POF1B: variants seen among roughly 807,000 people sequenced by gnomAD.
The protein encoded by POF1B is POF1B actin binding protein.
A neutral mutation model predicts 55.3 loss-of-function variants in POF1B; 53 were observed. The observed-to-expected ratio is 0.96, with a 90% CI of 0.77 to 1.20. POF1B has a LOEUF of 1.20. Among genes scored for constraint, POF1B ranks in the 50% most tolerant of loss-of-function variants. POF1B has a pLI of 0.00. For synonymous variants in POF1B, 188 were observed against 148.3 expected, an observed-to-expected ratio of 1.27 and a Z score of -1.95; for missense variants, 478 against 420.5, an observed-to-expected ratio of 1.14 and a Z score of -1.20.
chrX:85,297,432 T>A (rs758350575), intron 15 of POF1B, among the ~76,000 whole-genome samples: 3 of 112,103 alleles, frequency 2.7e-5, no homozygotes, highest in Non-Finnish European at 5.6e-5. Context: ...GGTTTAACTG[T>A]TGTGCAAGTT....
intron 6 of POF1B, among the ~76,000 whole-genome samples, chrX:85,343,065 G>A (rs1933203492): frequency 9.2e-6 from 1 of 108,949 alleles, no homozygotes; most frequent in Non-Finnish European, 1.9e-5. Context: ...GGGAGGGATA[G>A]CATTGAGAGA....
At chrX:85,332,817 A>G (rs1234998726) in intron 6 of POF1B, among the ~76,000 whole-genome samples, 1 of 111,322 alleles carries the variant, frequency 9.0e-6, no homozygotes, top group African/African-American at 3.2e-5. Context: ...AATGTTAGTT[A>G]TCTTGTCCAT....
chrX:85,378,999 A>C (rs942202411), intron 2 of POF1B, among the ~76,000 whole-genome samples, 174 bp downstream of exon 2: 3 of 111,903 alleles, frequency 2.7e-5, no homozygotes, highest in African/African-American at 9.8e-5. Flanking sequence ...AACCACAGAC[A>C]CTAGTAAGTG....
rs1308886901 is a variant in POF1B at position 85,305,840 on chromosome X, A to C, written c.1388T>G (p.Met463Arg). Residue 463 changes from methionine to arginine, a missense_variant, in exon 13 of 17, where the codon ATG becomes AGG. By Grantham distance (91) the Met-to-Arg change is moderately conservative. Coordinates refer to ENST00000262753, the MANE Select transcript of POF1B (RefSeq NM_024921.4). ...TTTCTCCATTCTCAAGTTTTTTACC[A>C]TCTCCGTGTAGTGGTTGCCAATCTC... The part of the protein sequence containing the change: ...MDEIGNHYTE[M>R]VKNLRMEKDR... 8.3e-7 allele frequency: 1 copy of C among 1,209,517 alleles called. No individual in the cohort carries two copies. The highest frequency in any genetic ancestry group is 1.1e-6 in the Non-Finnish European group (1 of 894,082).
At chrX:85,317,254 A>G (rs959450908) in intron 7 of POF1B, among the ~76,000 whole-genome samples, 1 of 107,704 alleles carries the variant, frequency 9.3e-6, no homozygotes, top group Non-Finnish European at 2.0e-5. Context: ...CAGTTTGGCA[A>G]TTAGTCCAAG....
At chrX:85,361,735 A>G (rs1270623041) in intron 3 of POF1B, among the ~76,000 whole-genome samples, 3 of 111,284 alleles carry the variant, frequency 2.7e-5, no homozygotes, top group African/African-American at 9.8e-5. Flanking sequence ...GTTTTATTTC[A>G]AGTTCTGTGA....
At position 85,354,661 on chromosome X, in the gene POF1B, T is replaced by C. The variant is rs747958049; in HGVS notation, c.439-3210A>G. Among the ~76,000 whole-genome samples the C allele has an allele frequency of 1.5e-4, 17 of 110,362 alleles. No individual in the cohort carries two copies. In the East Asian group the frequency reaches 4.9e-3, roughly 32 times the overall value. ...AATCACAAGCATTCTTATACAGCAATAACAGACAAACAGAGAGCCAAATCA... is the reference window on the plus strand; with the variant it reads ...AATCACAAGCATTCTTATACAGCAACAACAGACAAACAGAGAGCCAAATCA... On this transcript the variant is annotated intron_variant, in intron 4 of 16. Transcript: ENST00000262753.
chrX:85,348,152 G>A (rs1933307216), intron 5 of POF1B, among the ~76,000 whole-genome samples: 2 of 110,816 alleles, frequency 1.8e-5, no homozygotes. Flanking sequence ...CATAATCTGG[G>A]GTGCCTTGCA....
At chrX:85,324,217 G>A (rs748795895) in intron 7 of POF1B, among the ~76,000 whole-genome samples, 3 of 111,781 alleles carry the variant, frequency 2.7e-5, no homozygotes, top group African/African-American at 3.3e-5. Flanking sequence ...GAGTTCTGTA[G>A]CTATCTGTTA....
At chrX:85,300,863 A>G (rs1396950956) in intron 15 of POF1B, among the ~76,000 whole-genome samples, 1 of 112,190 alleles carries the variant, frequency 8.9e-6, no homozygotes, top group Non-Finnish European at 1.9e-5. Context: ...AAGAGAAACT[A>G]CAGTAATTCT....
At chrX:85,331,126 A>G in intron 6 of POF1B, 47 bp from the exon 7 acceptor site, 2 of 1,118,268 alleles carry the variant, frequency 1.8e-6, no homozygotes, top group Non-Finnish European at 2.4e-6. Context: ...AAGTTTTTCT[A>G]AGTTCATAGA....
chrX:85,333,251 A>G (rs1301241495), intron 6 of POF1B, among the ~76,000 whole-genome samples: 2 of 110,394 alleles, frequency 1.8e-5, no homozygotes, highest in East Asian at 5.7e-4. Context: ...ACTCATCTCA[A>G]AATCTACCAT....
chrX:85,306,366 G>C (rs1346004174), intron 11 of POF1B, 33 bp from the exon 12 acceptor site: 1 of 1,176,649 alleles, frequency 8.5e-7, no homozygotes, highest in African/African-American at 1.8e-5. Flanking sequence ...TAAGACAAAT[G>C]CATTTTGTTT....
chrX:85,317,549 G>T (rs1932798083), intron 7 of POF1B, among the ~76,000 whole-genome samples: 1 of 110,193 alleles, frequency 9.1e-6, no homozygotes. Context: ...TTTTTCATAT[G>T]CTTGTCAGCC....
intron 16 of POF1B, 23 bp downstream of exon 16, chrX:85,282,180 T>C (rs1205001000): frequency 2.5e-6 from 3 of 1,177,061 alleles, no homozygotes; most frequent in South Asian, 3.9e-5. Context: ...AAAATAGGGC[T>C]AAAAATGCCC....
intron 13 of POF1B, among the ~76,000 whole-genome samples, chrX:85,304,801 A>G (rs1169975077): frequency 9.0e-6 from 1 of 111,628 alleles, no homozygotes; most frequent in African/African-American, 3.2e-5. Context: ...ATAACAAATT[A>G]CTACTATTAT....
chrX:85,317,082 T>G (rs1033075035), intron 7 of POF1B, among the ~76,000 whole-genome samples: 1 of 110,536 alleles, frequency 9.0e-6, no homozygotes, highest in East Asian at 2.9e-4. Context: ...TATATACTAT[T>G]CCATGGTGTA....
intron 2 of POF1B, among the ~76,000 whole-genome samples, chrX:85,378,377 A>G (rs187364490): frequency 2.2e-3 from 245 of 112,130 alleles, no homozygotes; most frequent in African/African-American, 7.7e-3. Context: ...AGGATAAAAT[A>G]CACATAAAGC....
At chrX:85,307,416 G>A (rs1932599298) in intron 10 of POF1B, 140 bp from the exon 11 acceptor site, 1 of 404,782 alleles carries the variant, frequency 2.5e-6, no homozygotes, top group Admixed American at 4.7e-5. Context: ...ATTCTTAAAA[G>A]TTAAGAAAAT....
Sources: allele counts gnomAD v4.1 joint callset (sites outside exome capture counted in the v4.1 genomes callset), GRCh38; gene constraint gnomAD v4.1.1; transcripts MANE v1.5; gene names NCBI Gene and HGNC (gene_info 2026-07-23, HGNC 2026-07-21).